The following PNPLA1 variants were observed in gnomAD, a reference collection of about 807,000 sequenced individuals.
The protein encoded by PNPLA1 is patatin like domain 1, omega-hydroxyceramide transacylase, also known as omega-hydroxyceramide transacylase.
A neutral mutation model predicts 51.7 loss-of-function variants in PNPLA1; 36 were observed. That is an observed-to-expected ratio of 0.70 (90% CI 0.53 to 0.92). The LOEUF is 0.92. Ranked by LOEUF, PNPLA1 falls within the 40% of genes least tolerant of loss-of-function variation. The pLI is 0.00. For missense variants in PNPLA1, 658 were observed against 682.5 expected (o/e 0.96, Z 0.40); for synonymous variants, 293 against 280.1 (o/e 1.05, Z -0.46).
At position 36,291,461 on chromosome 6, in the gene PNPLA1, C is replaced by T. The variant is rs372620264; in HGVS notation, c.347C>T (p.Thr116Ile). ...CTGCCCGAGGACTCCTACAAGGTCA[C>T]CACGGGGAAGCTCCATGTGAGCCTC... ...RVLPEDSYKVTTGKLHVSLTR... is the reference protein window; with the variant it reads ...RVLPEDSYKVITGKLHVSLTR... Residue 116 changes from threonine to isoleucine, a missense_variant, in exon 2 of 9, where the codon ACC becomes ATC. Coordinates refer to ENST00000636260, the MANE Select transcript of PNPLA1 (RefSeq NM_001374623.1). 6 of 1,613,946 alleles carry T rather than the reference C, an allele frequency of 3.7e-6. No individual in the cohort carries two copies. In the African/African-American group the frequency reaches 8.0e-5, roughly 22 times the overall value.
intron 1 of PNPLA1, among the ~76,000 whole-genome samples, chr6:36,273,158 T>C (rs1330265614): frequency 6.6e-6 from 1 of 151,870 alleles, no homozygotes; most frequent in African/African-American, 2.4e-5. Context: ...AGGTGGGAGA[T>C]TGCTTGAACT....
chr6:36,264,332 C>T (rs928374116), intron 1 of PNPLA1, among the ~76,000 whole-genome samples: 14 of 152,162 alleles, frequency 9.2e-5, no homozygotes, highest in African/African-American at 2.9e-4. Flanking sequence ...GTCCCATGGT[C>T]TCATAATGGG....
At chr6:36,296,964 T>G (rs144092503) in intron 5 of PNPLA1, among the ~76,000 whole-genome samples, 1 of 152,320 alleles carries the variant, frequency 6.6e-6, no homozygotes, top group East Asian at 1.9e-4. Flanking sequence ...GGTTTTATTT[T>G]GAAGATTAAA....
intron 1 of PNPLA1, among the ~76,000 whole-genome samples, chr6:36,261,834 GC>G (rs1769655447): frequency 6.6e-6 from 1 of 152,150 alleles, no homozygotes; most frequent in Admixed American, 6.5e-5. Context: ...TCCCTAAGTG[GC>G]CATACTGTAC....
At chr6:36,248,883 C>G (rs1310058924) in intron 1 of PNPLA1, among the ~76,000 whole-genome samples, 1 of 152,152 alleles carries the variant, frequency 6.6e-6, no homozygotes, top group Non-Finnish European at 1.5e-5. Context: ...AGAACTTCAT[C>G]TTCTGAAAAA....
intron 1 of PNPLA1, among the ~76,000 whole-genome samples, chr6:36,261,566 C>A (rs1769648988): frequency 6.6e-6 from 1 of 152,234 alleles, no homozygotes; most frequent in Non-Finnish European, 1.5e-5. Context: ...GTGTTCACCT[C>A]AGACGTGGTT....
intron 7 of PNPLA1, 26 bp downstream of exon 7, chr6:36,306,402 C>T (rs1204747033): frequency 1.3e-6 from 2 of 1,586,222 alleles, no homozygotes; most frequent in Admixed American, 1.8e-5. Context: ...GTGGAGCACG[C>T]TCTTTCCTTT....
chr6:36,255,913 C>T (rs1769522601), intron 1 of PNPLA1, among the ~76,000 whole-genome samples: 1 of 152,188 alleles, frequency 6.6e-6, no homozygotes, highest in South Asian at 2.1e-4. Flanking sequence ...ATCTTAGATT[C>T]AGTAGGTCTG....
chr6:36,313,931 A>G lies in PNPLA1; in HGVS notation c.*2045A>G, dbSNP rs957504059. On this transcript the variant is annotated 3_prime_UTR_variant, in exon 9 of 9. Transcript: ENST00000636260. ...ATGTCAATTATGTTAAACTATTAAT[A>G]CATCCTCTTGCATACTTCCCTTCAC... Among the ~76,000 whole-genome samples the G allele has an allele frequency of 2.6e-5, 4 of 152,274 alleles. No homozygotes were observed. Among genetic ancestry groups the G allele is most frequent in the African/African-American group, 9.6e-5 (4 of 41,478 alleles).
At chr6:36,290,341 G>A (rs771646321) in intron 1 of PNPLA1, among the ~76,000 whole-genome samples, 1 of 152,220 alleles carries the variant, frequency 6.6e-6, no homozygotes, top group Non-Finnish European at 1.5e-5. Context: ...CAAAAAGCAG[G>A]TGTGGGCTCG....
chr6:36,270,917 A>G (rs1033528902), intron 1 of PNPLA1, among the ~76,000 whole-genome samples: 2 of 152,114 alleles, frequency 1.3e-5, no homozygotes, highest in South Asian at 4.1e-4. Flanking sequence ...CTTACCTGTG[A>G]GATGCTCTGT....
chr6:36,246,140 C>A (rs1769276397), intron 1 of PNPLA1, among the ~76,000 whole-genome samples: 1 of 152,162 alleles, frequency 6.6e-6, no homozygotes, highest in Admixed American at 6.5e-5. Flanking sequence ...GCTGGTATCA[C>A]CCCTGCTGCA....
chr6:36,282,124 G>A (rs1032769427), intron 1 of PNPLA1, among the ~76,000 whole-genome samples: 26 of 114,922 alleles, frequency 2.3e-4, no homozygotes, highest in African/African-American at 4.9e-4. Flanking sequence ...AAGGAAGGAA[G>A]GAAGGAAGGA....
At chr6:36,276,248 C>T (rs1461826728) in intron 1 of PNPLA1, among the ~76,000 whole-genome samples, 4 of 152,082 alleles carry the variant, frequency 2.6e-5, no homozygotes, top group Admixed American at 6.6e-5. Flanking sequence ...CGTGAGCCAC[C>T]GCACCCAGCT....
chr6:36,310,510 C>T (rs551317143), intron 8 of PNPLA1, among the ~76,000 whole-genome samples: 1 of 152,306 alleles, frequency 6.6e-6, no homozygotes, highest in African/African-American at 2.4e-5. Context: ...AAGTTTCCAC[C>T]ATAAAAGATC....
chr6:36,281,442 C>G (rs1426052718), intron 1 of PNPLA1, among the ~76,000 whole-genome samples: 1 of 152,166 alleles, frequency 6.6e-6, no homozygotes, highest in Non-Finnish European at 1.5e-5. Context: ...TAGAATGTGC[C>G]AGGTCCCGTG....
At chr6:36,303,249 C>T (rs1365522216) in intron 6 of PNPLA1, among the ~76,000 whole-genome samples, 5 of 152,108 alleles carry the variant, frequency 3.3e-5, no homozygotes, top group Admixed American at 6.5e-5. Flanking sequence ...TGCCCGCCAC[C>T]ACGCCTGGCT....
At chr6:36,289,616 A>T (rs992826283) in intron 1 of PNPLA1, among the ~76,000 whole-genome samples, 218 of 152,216 alleles carry the variant, frequency 1.4e-3, no homozygotes, top group African/African-American at 4.4e-3. Flanking sequence ...AGGTTCGAAA[A>T]AAAAAAAGGC....
rs767507402 is a variant in PNPLA1 at position 36,294,701 on chromosome 6, G to A, written c.714+302G>A. ...CAGTTCATGTCCCAAATCAAAGGTC[G>A]GCAAGCTGCAGCCCACGGGCCAAAT... is the stretch of plus-strand genomic sequence containing the variant. On this transcript the variant is annotated intron_variant, in intron 4 of 8. Coordinates refer to ENST00000636260, the MANE Select transcript of PNPLA1 (RefSeq NM_001374623.1). The surrounding 1 kb of genome is among the most constrained non-coding windows in gnomAD (Gnocchi z 4.2). Among the ~76,000 whole-genome samples, 2 of 152,154 alleles carry A rather than the reference G, an allele frequency of 1.3e-5. No homozygotes were observed. Among genetic ancestry groups the A allele is most frequent in the Admixed American group, 6.5e-5 (1 of 15,280 alleles).
Sources: gnomAD v4.1 joint callset for allele counts (sites outside exome capture counted in the v4.1 genomes callset) on GRCh38, gnomAD v4.1.1 for gene constraint, Gnocchi (gnomAD v3.1) non-coding constraint, MANE v1.5 for transcripts, NCBI Gene and HGNC (gene_info 2026-07-23, HGNC 2026-07-21) for gene names.